Variants in MYO5B observed in about 807,000 individuals in gnomAD.
The protein encoded by MYO5B is myosin VB, also known as unconventional myosin-Vb.
A neutral mutation model predicts 229.3 loss-of-function variants in MYO5B; 143 were observed. That is an observed-to-expected ratio of 0.62 (90% CI 0.54 to 0.72). The LOEUF (loss-of-function observed/expected upper bound fraction) is 0.72. MYO5B is among the 30% of genes least tolerant of loss of function. The pLI is 0.00. For missense variants in MYO5B, 2,321 were observed against 2,331.0 expected (o/e 1.00, Z 0.09); for synonymous variants, 918 against 885.2 (o/e 1.04, Z -0.66).
rs1267776571 is a variant in MYO5B at position 49,841,390 on chromosome 18, C to G, written c.4676G>C (p.Cys1559Ser). Residue 1559 changes from cysteine (C) to serine (S), a missense_variant, in exon 35 of 40, where the codon TGT becomes TCT. Cys to Ser is a moderately radical substitution (Grantham distance 112). This residue lies in a region of MYO5B where 2,113 missense variants were observed against 2,044.7 expected (regional missense o/e 1.03). Transcript: ENST00000285039. ...WLSNTCRLLH[C>S]LKQYSGDEGF... ...CTCATCCCCGCTGTACTGCTTCAGA[C>G]AGTGAAGAAGGCGGCAGGTGTTGGA... is the stretch of plus-strand genomic sequence containing the variant. 2 of 1,614,172 alleles carry G rather than the reference C, an allele frequency of 1.2e-6. No individual in the cohort carries two copies. Among genetic ancestry groups the G allele is most frequent in the Admixed American group, 3.3e-5 (2 of 60,026 alleles).
chr18:49,893,577 A>C (rs1311917499), intron 22 of MYO5B, among the ~76,000 whole-genome samples: 1 of 152,236 alleles, frequency 6.6e-6, no homozygotes, highest in Non-Finnish European at 1.5e-5. Flanking sequence ...ATCTGGGCAG[A>C]GGGTCCTGTG....
intron 26 of MYO5B, among the ~76,000 whole-genome samples, chr18:49,875,313 G>C (rs775411080): frequency 6.6e-6 from 1 of 152,192 alleles, no homozygotes; most frequent in Admixed American, 6.5e-5. Flanking sequence ...GCCCATGCAA[G>C]ATCCCAGGTA....
Position 49,837,535 on chromosome 18 carries a change from C to T in MYO5B, c.5120G>A (p.Ser1707Asn), listed in dbSNP as rs200556602. The change falls in exon 37 of 40, where the codon AGC becomes AAC. Residue 1707 changes from serine to asparagine, a missense_variant. This residue lies in a region of MYO5B where 208 missense variants were observed against 286.3 expected (regional missense o/e 0.73). Transcript: ENST00000285039. ...CCCTTACCTGAGTTGCATGCCTGTG[C>T]TCCAAGAGCAGACGTCCTTCCGCAA... ...LLLRKDVCSW[S>N]TGMQLRYNIS... The T allele has an allele frequency of 4.0e-5, 65 of 1,613,810 alleles. No individual in the cohort carries two copies. The highest frequency in any genetic ancestry group is 5.3e-5 in the Non-Finnish European group (63 of 1,179,858).
At position 50,171,208 on chromosome 18, in the gene MYO5B, T is replaced by C. The variant is rs1438045693; in HGVS notation, c.27+23559A>G. On this transcript the variant is annotated intron_variant, in intron 1 of 39. Transcript: ENST00000285039. ...CACCCTCACAGATAAGTTGAGGAGA[T>C]AAGGCAAATATGCAAAAAGTAAAGT... Among the ~76,000 whole-genome samples the C allele has an allele frequency of 1.2e-4, 16 of 128,156 alleles. 4 individuals carry two copies. The highest frequency in any genetic ancestry group is 1.0e-3 in the Admixed American group (12 of 11,960). 84.1% of individuals were successfully genotyped at this position (128,156 alleles called of 152,430 possible).
At chr18:49,912,026 G>C (rs1361350573) in intron 18 of MYO5B, 36 bp downstream of exon 18, 2 of 1,540,832 alleles carry the variant, frequency 1.3e-6, no homozygotes, top group East Asian at 2.2e-5. Context: ...AGGGGACCTG[G>C]TCAGGCCTCT....
intron 1 of MYO5B, among the ~76,000 whole-genome samples, chr18:50,120,612 A>T (rs949185): frequency 0.98 from 149,182 of 152,280 alleles, 73,153 homozygotes; most frequent in East Asian, 1. Context: ...CCAGCAATCC[A>T]GGGTCCCAGC....
At chr18:49,855,724 T>C (rs1020604504) in intron 30 of MYO5B, among the ~76,000 whole-genome samples, 2 of 152,242 alleles carry the variant, frequency 1.3e-5, no homozygotes, top group African/African-American at 2.4e-5. Flanking sequence ...TGCTCACAGA[T>C]TGTGGGGCCA....
rs1354402501 is a variant in MYO5B, at chr18:49,957,164, A to AT, written c.1546-2730_1546-2729insA. Among the ~76,000 whole-genome samples, 70 of 150,902 alleles carry AT rather than the reference A, an allele frequency of 4.6e-4. 2 individuals are homozygous for AT. Among genetic ancestry groups the AT allele is most frequent in the East Asian group, 5.8e-4 (3 of 5,158 alleles). On this transcript the variant is annotated intron_variant, in intron 12 of 39. Transcript: ENST00000285039. ...TAGCAAAAAAAAAAAAAAAAAAAAA[A>AT]AGCAGGCATGGCAGTGGGGGAGTGC... is the stretch of plus-strand genomic sequence containing the variant.
In MYO5B at chr18:49,824,634, CA is replaced by C. The variant is rs1747160809; in HGVS notation, c.*1836del. The C allele has an allele frequency of 6.6e-6, 1 of 152,142 alleles. No homozygotes were observed. Among genetic ancestry groups the C allele is most frequent in the South Asian group, 2.1e-4 (1 of 4,824 alleles). 9.4% of individuals were successfully genotyped at this position (152,142 alleles called of 1,614,324 possible). On this transcript the variant is annotated 3_prime_UTR_variant, in exon 40 of 40. Coordinates refer to ENST00000285039, the MANE Select transcript of MYO5B (RefSeq NM_001080467.3). ...AGAGACTCACTTTCAAACTAAAGTGCATTAAAAAACAAATTATCCTTCACAA... is the reference window on the plus strand; with the variant it reads ...AGAGACTCACTTTCAAACTAAAGTGCTTAAAAAACAAATTATCCTTCACAA...
At position 50,162,563 on chromosome 18, in the gene MYO5B, G is replaced by T. The variant is rs550821337; in HGVS notation, c.27+32204C>A. 4.4e-4 allele frequency among the ~76,000 whole-genome samples: 67 copies of T among 152,180 alleles called. 1 individual carries two copies. The highest frequency in any genetic ancestry group is 2.2e-4 in the Non-Finnish European group (15 of 68,038). On this transcript the variant is annotated intron_variant, in intron 1 of 39. Coordinates refer to ENST00000285039, the MANE Select transcript of MYO5B (RefSeq NM_001080467.3). ...GCCTCCTGTAACTGATGAGGGGAGAGAACACCAGAATGTTGGCTCATCAGG... is the reference window on the plus strand; with the variant it reads ...GCCTCCTGTAACTGATGAGGGGAGATAACACCAGAATGTTGGCTCATCAGG...
chr18:49,888,475 AG>A (rs2144120427), intron 22 of MYO5B, among the ~76,000 whole-genome samples: 1 of 152,266 alleles, frequency 6.6e-6, no homozygotes, highest in South Asian at 2.1e-4. Context: ...GGGCCATTCT[AG>A]GTGGGAAGAA....
chr18:50,072,732 G>A (rs953877073), intron 1 of MYO5B, among the ~76,000 whole-genome samples: 1 of 152,184 alleles, frequency 6.6e-6, no homozygotes, highest in African/African-American at 2.4e-5. Flanking sequence ...AAAGTAAGCA[G>A]CAGGACACAC....
chr18:50,100,890 C>T (rs1365798759), intron 1 of MYO5B, among the ~76,000 whole-genome samples: 1 of 152,210 alleles, frequency 6.6e-6, no homozygotes, highest in Non-Finnish European at 1.5e-5. Context: ...CAGTTTCCCA[C>T]CCAGAACTCT....
intron 9 of MYO5B, among the ~76,000 whole-genome samples, chr18:49,976,703 G>A (rs2025754931): frequency 6.6e-6 from 1 of 152,186 alleles, no homozygotes; most frequent in African/African-American, 2.4e-5. Context: ...AGCTTGGTTT[G>A]GGCCGGGTGG....
At chr18:50,191,925 C>T (rs1790440) in intron 1 of MYO5B, among the ~76,000 whole-genome samples, 44,762 of 152,034 alleles carry the variant, frequency 0.29, 6,730 homozygotes, top group South Asian at 0.38. Flanking sequence ...AAATTTATGA[C>T]GAAGTGTGGA....
chr18:49,974,688 C>T (rs950103517), intron 9 of MYO5B, 73 bp from the exon 10 acceptor site: 14 of 1,551,060 alleles, frequency 9.0e-6, no homozygotes, highest in Middle Eastern at 1.9e-4. Context: ...GTCTTCCACC[C>T]TCCTGCCCAG....
At chr18:50,152,365 T>C (rs1379722659) in intron 1 of MYO5B, among the ~76,000 whole-genome samples, 1 of 152,226 alleles carries the variant, frequency 6.6e-6, no homozygotes, top group African/African-American at 2.4e-5. Flanking sequence ...TCTGGGATGA[T>C]CAGTTTGGGT....
At chr18:49,848,565 A>G (rs979527290) in intron 32 of MYO5B, among the ~76,000 whole-genome samples, 1 of 99,828 alleles carries the variant, frequency 1.0e-5, no homozygotes, top group African/African-American at 3.6e-5. Flanking sequence ...TCTGCAGGCA[A>G]TAAGGCAAAG....
intron 1 of MYO5B, among the ~76,000 whole-genome samples, chr18:50,092,289 A>C (rs1311281640): frequency 2.0e-5 from 3 of 152,214 alleles, no homozygotes; most frequent in East Asian, 3.8e-4. Context: ...AATTCAGAAG[A>C]ATCACTAAAC....
Sources: gnomAD v4.1 joint callset for allele counts (sites outside exome capture counted in the v4.1 genomes callset) on GRCh38, gnomAD v4.1.1 for gene constraint, gnomAD v4.1.1 regional missense constraint, MANE v1.5 for transcripts, NCBI Gene and HGNC (gene_info 2026-07-23, HGNC 2026-07-21) for gene names.